EBF2: variants seen among roughly 807,000 people sequenced by gnomAD.
EBF2 encodes EBF transcription factor 2.
A neutral mutation model predicts 72.8 loss-of-function variants in EBF2; 21 were observed. That is an observed-to-expected ratio of 0.29 (90% CI 0.20 to 0.42). EBF2 has a LOEUF of 0.42. EBF2 is among the 10% of genes least tolerant of loss of function. The pLI, the probability that EBF2 is intolerant of heterozygous loss-of-function variation, is 1.00. For missense variants in EBF2, 637 were observed against 731.2 expected, an observed-to-expected ratio of 0.87 and a Z score of 1.49; for synonymous variants, 299 against 274.2, an observed-to-expected ratio of 1.09 and a Z score of -0.89.
At chr8:25,910,146 C>T (rs936106711) in intron 6 of EBF2, among the ~76,000 whole-genome samples, 1 of 152,252 alleles carries the variant, frequency 6.6e-6, no homozygotes, top group Admixed American at 6.5e-5. Flanking sequence ...CTGCCCGGGT[C>T]GTCAGAGTGC....
chr8:25,852,972 G>T (rs745853650), intron 14 of EBF2, among the ~76,000 whole-genome samples: 2 of 152,122 alleles, frequency 1.3e-5, no homozygotes, highest in African/African-American at 4.8e-5. Flanking sequence ...CAAATCTTTA[G>T]AGCAAAATAG....
intron 6 of EBF2, among the ~76,000 whole-genome samples, chr8:26,029,130 T>C (rs1274640768): frequency 6.6e-6 from 1 of 152,258 alleles, no homozygotes; most frequent in African/African-American, 2.4e-5. Context: ...GAGGATCCCC[T>C]ATTGTAAACT....
At chr8:26,025,314 C>T (rs963705292) in intron 6 of EBF2, among the ~76,000 whole-genome samples, 17 of 152,106 alleles carry the variant, frequency 1.1e-4, no homozygotes, top group Non-Finnish European at 1.5e-4. Context: ...TGCTTATTTA[C>T]GCTGTATGCT....
intron 10 of EBF2, among the ~76,000 whole-genome samples, chr8:25,867,472 G>C (rs1216576741): frequency 6.6e-6 from 1 of 152,080 alleles, no homozygotes; most frequent in Non-Finnish European, 1.5e-5. Flanking sequence ...CCACCCACTG[G>C]CTTCCTGAAC....
chr8:26,043,054 C>G (rs576266921), intron 1 of EBF2, among the ~76,000 whole-genome samples: 1 of 152,222 alleles, frequency 6.6e-6, no homozygotes, highest in Non-Finnish European at 1.5e-5. Flanking sequence ...CAACGCGATC[C>G]CCACTCATGC....
At chr8:26,037,422 A>G (rs1044760937) in intron 5 of EBF2, among the ~76,000 whole-genome samples, 2 of 152,174 alleles carry the variant, frequency 1.3e-5, no homozygotes, top group African/African-American at 4.8e-5. Context: ...TCAAACTCAA[A>G]TAAGCGCACA....
At chr8:25,938,596 G>T (rs1803618765) in intron 6 of EBF2, among the ~76,000 whole-genome samples, 1 of 152,098 alleles carries the variant, frequency 6.6e-6, no homozygotes, top group African/African-American at 2.4e-5. Context: ...GTGCCTTAAT[G>T]AAAGGCATAA....
intron 10 of EBF2, among the ~76,000 whole-genome samples, chr8:25,867,491 C>T (rs140726680): frequency 0.018 from 2,789 of 152,316 alleles, 37 homozygotes; most frequent in Non-Finnish European, 0.028. Context: ...ACTTACACTG[C>T]CCGGCTTCCT....
intron 7 of EBF2, among the ~76,000 whole-genome samples, chr8:25,903,504 G>C (rs1802989066): frequency 6.6e-6 from 1 of 151,330 alleles, no homozygotes; most frequent in Non-Finnish European, 1.5e-5. Context: ...GACCATCCTG[G>C]CTAACACGGT....
intron 6 of EBF2, among the ~76,000 whole-genome samples, chr8:25,940,540 A>T (rs775250015): frequency 6.6e-6 from 1 of 152,050 alleles, no homozygotes; most frequent in Non-Finnish European, 1.5e-5. Context: ...ATAGAGGTTC[A>T]TCAGTTACCA....
chr8:26,016,010 AACC>A (rs1255370131), intron 6 of EBF2, among the ~76,000 whole-genome samples: 1 of 152,220 alleles, frequency 6.6e-6, no homozygotes. Context: ...CACCTCAAAT[AACC>A]TAGAAAGGTT....
chr8:25,867,231 C>G (rs978155977), intron 10 of EBF2, among the ~76,000 whole-genome samples: 2 of 152,184 alleles, frequency 1.3e-5, no homozygotes, highest in Non-Finnish European at 2.9e-5. Context: ...ATTTTTATTT[C>G]ATATGAGCTT....
At chr8:25,886,659 C>G in intron 10 of EBF2, 96 bp downstream of exon 10, 2 of 1,403,438 alleles carry the variant, frequency 1.4e-6, no homozygotes. Context: ...GTAAAAAGAC[C>G]TAGAAAAATC....
intron 6 of EBF2, among the ~76,000 whole-genome samples, chr8:26,015,419 C>A (rs1247515505): frequency 1.3e-5 from 2 of 152,300 alleles, no homozygotes; most frequent in Non-Finnish European, 2.9e-5. Flanking sequence ...ATCCTCTCAC[C>A]ACCCCCACAT....
chr8:26,039,124 G>A lies in EBF2; in HGVS notation c.482+904C>T, dbSNP rs151310446. Among the ~76,000 whole-genome samples the A allele has an allele frequency of 3.8e-3, 571 of 152,146 alleles. 3 individuals are homozygous for A. The highest frequency in any genetic ancestry group is 0.013 in the African/African-American group (555 of 41,486). On this transcript the variant is annotated intron_variant, in intron 5 of 15. Coordinates refer to ENST00000520164, the MANE Select transcript of EBF2 (RefSeq NM_022659.4). ...CCTATTTATATCCTTTCTTGTCTGC[G>A]GTGGGATCCCCAGCACCCAACCGAT...
chr8:25,958,173 CCAAA>C (rs915659996), intron 6 of EBF2, among the ~76,000 whole-genome samples: 29 of 152,292 alleles, frequency 1.9e-4, no homozygotes, highest in Admixed American at 1.8e-3. Flanking sequence ...TGAGCAGATT[CCAAA>C]CAGAGACTCA....
intron 10 of EBF2, among the ~76,000 whole-genome samples, chr8:25,879,563 A>C (rs1360007468): frequency 6.6e-6 from 1 of 152,158 alleles, no homozygotes; most frequent in Non-Finnish European, 1.5e-5. Context: ...GAAACACTAG[A>C]GATACCAGAA....
chr8:25,856,156 C>T (rs1426669172), intron 14 of EBF2, among the ~76,000 whole-genome samples: 2 of 151,800 alleles, frequency 1.3e-5, no homozygotes, highest in African/African-American at 2.4e-5. Flanking sequence ...TCTTTTTTTC[C>T]TCTCCTTTCT....
chr8:25,850,117 T>C (rs1483128950), intron 15 of EBF2, among the ~76,000 whole-genome samples: 2 of 152,090 alleles, frequency 1.3e-5, no homozygotes, highest in Admixed American at 6.6e-5. Context: ...TTAAAAAAAT[T>C]TGATTATTTT....
Sources: allele counts gnomAD v4.1 joint callset (sites outside exome capture counted in the v4.1 genomes callset), GRCh38; gene constraint gnomAD v4.1.1; transcripts MANE v1.5; gene names NCBI Gene and HGNC (gene_info 2026-07-23, HGNC 2026-07-21).